CCDC171: variants seen among roughly 807,000 people sequenced by gnomAD.
The protein encoded by CCDC171 is coiled-coil domain containing 171.
In CCDC171, 177 loss-of-function variants were observed where a neutral mutation model predicts 168.2. That is an observed-to-expected ratio of 1.05 (90% CI 0.93 to 1.19). CCDC171 has a LOEUF of 1.19. Ranked by LOEUF, CCDC171 falls within the 50% of genes most tolerant of loss-of-function variation. CCDC171 has a pLI of 0.00. For missense variants in CCDC171, 1,991 were observed against 1,539.0 expected, an observed-to-expected ratio of 1.29 and a Z score of -4.91; for synonymous variants, 687 against 540.8, an observed-to-expected ratio of 1.27 and a Z score of -3.75.
At chr9:15,795,546 C>G (rs907361935) in intron 21 of CCDC171, among the ~76,000 whole-genome samples, 4 of 152,180 alleles carry the variant, frequency 2.6e-5, no homozygotes, top group African/African-American at 9.7e-5. Flanking sequence ...GAGGACTCAA[C>G]ACCAAATGAT....
chr9:15,660,864 A>T (rs1244395402), intron 8 of CCDC171, among the ~76,000 whole-genome samples: 1 of 152,224 alleles, frequency 6.6e-6, no homozygotes, highest in Admixed American at 6.5e-5. Flanking sequence ...GCTGGATCAA[A>T]TGGTAGTTCT....
At chr9:15,997,755 G>A (rs1224470794) in intron 3 of CCDC171, among the ~76,000 whole-genome samples, 1 of 152,158 alleles carries the variant, frequency 6.6e-6, no homozygotes, top group African/African-American at 2.4e-5. Context: ...AGGGATTTGC[G>A]TCCCTGATGG....
intron 7 of CCDC171, among the ~76,000 whole-genome samples, chr9:15,640,264 G>C (rs1486458711): frequency 6.6e-6 from 1 of 152,018 alleles, no homozygotes; most frequent in Non-Finnish European, 1.5e-5. Context: ...AAGACCAGTT[G>C]GACTTCCTTC....
intron 3 of CCDC171, among the ~76,000 whole-genome samples, chr9:15,999,179 C>G (rs1255216377): frequency 6.7e-6 from 1 of 148,682 alleles, no homozygotes; most frequent in East Asian, 2.0e-4. Context: ...TCACTGCACT[C>G]CAGCCTGGGT....
At chr9:16,041,995 C>G (rs929802682), upstream of CCDC171, among the ~76,000 whole-genome samples, 6 of 152,192 alleles carry the variant, frequency 3.9e-5, no homozygotes, top group Admixed American at 2.6e-4. Flanking sequence ...CTTTCTGAGT[C>G]TCATTCAATC....
chr9:15,623,469 GCGCGCGCA>G lies in CCDC171; in HGVS notation c.822+58_822+65del, dbSNP rs2044700551. On this transcript the variant is annotated intron_variant, in intron 7 of 25. Transcript: ENST00000380701. ...TGCGTACAAACTTTCACATATGCGC[GCGCGCGCA>G]CACACACACACACACACACACACAC... is the stretch of plus-strand genomic sequence containing the variant. 1.3e-4 allele frequency: 68 copies of G among 529,910 alleles called. 2 individuals are homozygous for G. Among genetic ancestry groups the G allele is most frequent in the Non-Finnish European group, 1.7e-4 (57 of 332,140 alleles). The allele number at this position is 529,910 out of a possible 1,614,324, so 32.8% of individuals were successfully genotyped here.
At chr9:15,796,198 C>G (rs1450617981) in intron 21 of CCDC171, among the ~76,000 whole-genome samples, 2 of 151,820 alleles carry the variant, frequency 1.3e-5, no homozygotes, top group East Asian at 3.9e-4. Flanking sequence ...AAAATATAGT[C>G]ATGGAGATTA....
intron 3 of CCDC171, among the ~76,000 whole-genome samples, chr9:15,980,616 T>G (rs1425141860): frequency 6.6e-6 from 1 of 152,180 alleles, no homozygotes; most frequent in Non-Finnish European, 1.5e-5. Context: ...TACAGATCTG[T>G]TCTTCAACCC....
chr9:15,980,354 G>C (rs1589292981), intron 3 of CCDC171, among the ~76,000 whole-genome samples: 1 of 152,234 alleles, frequency 6.6e-6, no homozygotes, highest in East Asian at 1.9e-4. Context: ...TCTTAAGTTG[G>C]ACTCAAGTCA....
the CCDC171 span, among the ~76,000 whole-genome samples, chr9:16,107,732 G>T: frequency 1.3e-5 from 2 of 151,976 alleles, no homozygotes; most frequent in Non-Finnish European, 2.9e-5. Flanking sequence ...TATAAACAAT[G>T]ACTTTCTTGA....
intron 20 of CCDC171, among the ~76,000 whole-genome samples, chr9:15,779,543 A>G (rs530594115): frequency 6.6e-6 from 1 of 152,218 alleles, no homozygotes; most frequent in Non-Finnish European, 1.5e-5. Flanking sequence ...TATTTTTAGT[A>G]GAGATGGAAT....
At chr9:15,831,303 G>A (rs1295714740) in intron 21 of CCDC171, among the ~76,000 whole-genome samples, 5 of 151,906 alleles carry the variant, frequency 3.3e-5, no homozygotes, top group Non-Finnish European at 5.9e-5. Flanking sequence ...ACTGTACTTC[G>A]TAAGTGCTTA....
intron 21 of CCDC171, among the ~76,000 whole-genome samples, chr9:15,812,994 T>C (rs1387130821): frequency 6.6e-6 from 1 of 152,172 alleles, no homozygotes; most frequent in East Asian, 1.9e-4. Flanking sequence ...AATGACTAGA[T>C]GGGAATTTAG....
Position 15,623,346 on chromosome 9 carries a change from T to A in CCDC171, c.755T>A (p.Leu252Ter). The A allele has an allele frequency of 1.2e-6, 2 of 1,612,478 alleles. No homozygotes were observed. Among genetic ancestry groups the A allele is most frequent in the Non-Finnish European group, 1.7e-6 (2 of 1,178,978 alleles). ...ETEHMDCSDLLRRQTSELEFS... is the reference protein window; with the variant it reads ...ETEHMDCSDL ...GAACATATGGACTGCTCTGACCTTT[T>A]ACGGCGACAAACAAGTGAACTTGAA... Residue 252 changes from leucine to a stop codon, truncating the protein, a stop_gained, in exon 7 of 26, where the codon TTA becomes TAA. Transcript: ENST00000380701. LOFTEE classifies it high-confidence loss of function.
chr9:15,890,187 A>C (rs1820005462), intron 24 of CCDC171, among the ~76,000 whole-genome samples: 1 of 132,404 alleles, frequency 7.6e-6, no homozygotes, highest in South Asian at 2.8e-4. Context: ...GAGGGGAAAG[A>C]GAGAATGTGA....
chr9:15,864,928 A>G (rs2061712449), intron 23 of CCDC171, among the ~76,000 whole-genome samples: 1 of 152,088 alleles, frequency 6.6e-6, no homozygotes, highest in South Asian at 2.1e-4. Flanking sequence ...CATGAGTCCT[A>G]CAAGTTTGGA....
rs547984978 is a variant in CCDC171, at chr9:15,614,571, G to A, written c.676-8696G>A. Among the ~76,000 whole-genome samples the A allele has an allele frequency of 4.5e-4, 69 of 152,280 alleles. No individual in the cohort carries two copies. In the Middle Eastern group the frequency reaches 0.01, roughly 23 times the overall value. On this transcript the variant is annotated intron_variant, in intron 6 of 25. Coordinates refer to ENST00000380701, the MANE Select transcript of CCDC171 (RefSeq NM_173550.4). ...ATTCTTGTTGCTTTTACGAAGGAAA[G>A]GATTTTTGGTGCTACCCCATTCTGG...
intron 23 of CCDC171, among the ~76,000 whole-genome samples, chr9:15,865,675 A>C (rs975183988): frequency 1.3e-5 from 2 of 152,058 alleles, no homozygotes; most frequent in Non-Finnish European, 2.9e-5. Context: ...TATAGTATAT[A>C]ATACACATAA....
chr9:15,727,223 T>C (rs190899975), intron 14 of CCDC171, among the ~76,000 whole-genome samples: 46 of 152,286 alleles, frequency 3.0e-4, no homozygotes, highest in African/African-American at 1.1e-3. Context: ...CTATATGAAC[T>C]TATAAGTGGG....
Sources: gnomAD v4.1 joint callset for allele counts (sites outside exome capture counted in the v4.1 genomes callset) on GRCh38, gnomAD v4.1.1 for gene constraint, MANE v1.5 for transcripts, NCBI Gene and HGNC (gene_info 2026-07-23, HGNC 2026-07-21) for gene names.